ARHGEF28: variants seen among roughly 807,000 people sequenced by gnomAD.
ARHGEF28 encodes Rho guanine nucleotide exchange factor 28, also known as 190 kDa guanine nucleotide exchange factor.
ARHGEF28 carries 152 observed loss-of-function variants against 206.6 expected under a neutral mutation model. The ratio of observed to expected loss-of-function variants is 0.74; its 90% confidence interval spans 0.64 to 0.84. The LOEUF is 0.84. Among genes scored for constraint, ARHGEF28 ranks in the 40% least tolerant of loss-of-function variants. ARHGEF28 has a pLI of 0.00. For missense variants in ARHGEF28, 2,028 were observed against 2,073.2 expected (o/e 0.98, Z 0.42); for synonymous variants, 763 against 776.4 (o/e 0.98, Z 0.29).
chr5:73,840,393 T>C lies in ARHGEF28; in HGVS notation c.1147-87T>C, dbSNP rs1172984662. 3 of 1,429,946 alleles carry C rather than the reference T, an allele frequency of 2.1e-6. No homozygotes were observed. In the African/African-American group the frequency reaches 4.3e-5, roughly 20 times the overall value. The allele number at this position is 1,429,946 out of a possible 1,614,324, so 88.6% of individuals were successfully genotyped here. A position where few individuals can be genotyped will look rare whatever the true frequency, so the allele number is the denominator to read the frequency against. On this transcript the variant is annotated intron_variant, in intron 10 of 35. Coordinates refer to ENST00000513042, the MANE Select transcript of ARHGEF28 (RefSeq NM_001177693.2). Reference sequence around the variant, plus strand: ...GCCTCCTACCACGCCTGGCCAGAAGTTTTTAAATTGGGAAAATTTTATTAA... The same window carrying C: ...GCCTCCTACCACGCCTGGCCAGAAGCTTTTAAATTGGGAAAATTTTATTAA...
chr5:73,857,609 T>G (rs374435519), intron 14 of ARHGEF28, 47 bp from the exon 15 acceptor site: 184 of 1,541,298 alleles, frequency 1.2e-4, no homozygotes, highest in Non-Finnish European at 1.5e-4. Flanking sequence ...GTATATGCTA[T>G]TCTTCCTAAG....
chr5:73,888,125 C>T (rs998094158), intron 26 of ARHGEF28, among the ~76,000 whole-genome samples: 5 of 152,226 alleles, frequency 3.3e-5, no homozygotes, highest in Non-Finnish European at 7.3e-5. Context: ...CAGCACCTGG[C>T]TTTCTCCATG....
At chr5:73,919,466 C>G (rs1425783936) in intron 35 of ARHGEF28, among the ~76,000 whole-genome samples, 1 of 152,204 alleles carries the variant, frequency 6.6e-6, no homozygotes, top group Non-Finnish European at 1.5e-5. Context: ...CGTAAGTCAA[C>G]CACATTTTTA....
chr5:73,659,898 A>T lies in ARHGEF28; in HGVS notation c.-11-24943A>T, dbSNP rs182697049. 6.1e-3 allele frequency among the ~76,000 whole-genome samples: 905 copies of T among 149,032 alleles called. 10 individuals carry two copies. Among genetic ancestry groups the T allele is most frequent in the African/African-American group, 0.021 (847 of 40,772 alleles). ...GATCATCTGAGCCTTTAGTAAGTCA[A>T]TTTTTTTTTTTCTGGTAGAGAGTCT... On this transcript the variant is annotated intron_variant, in intron 1 of 35. Transcript: ENST00000513042.
Position 73,626,269 on chromosome 5 carries a change from G to A in ARHGEF28, c.-65G>A, listed in dbSNP as rs1045653077. 2 of 152,186 alleles carry A rather than the reference G, an allele frequency of 1.3e-5. No homozygotes were observed. The highest frequency in any genetic ancestry group is 2.9e-5 in the Non-Finnish European group (2 of 68,076). 9.4% of individuals were successfully genotyped at this position (152,186 alleles called of 1,614,324 possible). A position where few individuals can be genotyped will look rare whatever the true frequency, so the allele number is the denominator to read the frequency against. On this transcript the variant is annotated 5_prime_UTR_variant, in exon 1 of 36. Coordinates refer to ENST00000513042, the MANE Select transcript of ARHGEF28 (RefSeq NM_001177693.2). ...GCGTTCCGAGGCGCCCTCAGGCAGG[G>A]CGCGGGGGCAGAGCCTCGCCTGGGT...
At chr5:73,845,011 A>ATTTTTTTTTTT (rs70973277) in intron 11 of ARHGEF28, among the ~76,000 whole-genome samples, 20 of 99,362 alleles carry the variant, frequency 2.0e-4, no homozygotes, top group African/African-American at 7.6e-4. Context: ...CAAAGGAATC[A>ATTTTTTTTTTT]TTTTTTTTTT....
At chr5:73,870,970 A>G (rs140225818) in intron 21 of ARHGEF28, among the ~76,000 whole-genome samples, 112 of 152,326 alleles carry the variant, frequency 7.4e-4, no homozygotes, top group African/African-American at 2.6e-3. Flanking sequence ...ATACCTTGTC[A>G]TCTGCATCAG....
In ARHGEF28 at chr5:73,829,261, A is replaced by G. The variant is rs116468527; in HGVS notation, c.1025-3077A>G. 1.9e-3 allele frequency among the ~76,000 whole-genome samples: 294 copies of G among 152,386 alleles called. 4 individuals are homozygous for G. The highest frequency in any genetic ancestry group is 6.6e-3 in the African/African-American group (276 of 41,592). ...AATCATTCTGTTGATTGAAGGAGAA[A>G]GTCTCAGTGTGGTACCCTTGCATCT... On this transcript the variant is annotated intron_variant, in intron 9 of 35. Coordinates refer to ENST00000513042, the MANE Select transcript of ARHGEF28 (RefSeq NM_001177693.2).
At chr5:73,763,451 T>TGAAGGCAGACTTC (rs1399722849) in intron 4 of ARHGEF28, among the ~76,000 whole-genome samples, 1 of 152,200 alleles carries the variant, frequency 6.6e-6, no homozygotes. Context: ...TGGTTGTCTT[T>TGAAGGCAGACTTC]GAAGGCAGAC....
At position 73,868,193 on chromosome 5, in the gene ARHGEF28, C is replaced by T. The variant is rs1252781257; in HGVS notation, c.2391C>T (p.Gly797=). ...SHSDELLQSM[G]SSPSTESFIM... ...CTGATGAGCTGCTACAGTCCATGGGCTCTTCTCCCTCTACAGAGTCTTTCA... is the reference window on the plus strand; with the variant it reads ...CTGATGAGCTGCTACAGTCCATGGGTTCTTCTCCCTCTACAGAGTCTTTCA... The change falls in exon 20 of 36, where the codon GGC becomes GGT. Residue 797 remains glycine (G), a synonymous_variant. Transcript: ENST00000513042. 6.3e-7 allele frequency: 1 copy of T among 1,595,046 alleles called. No homozygotes were observed. Among genetic ancestry groups the T allele is most frequent in the East Asian group, 2.3e-5 (1 of 44,380 alleles).
chr5:73,816,326 T>A lies in ARHGEF28; in HGVS notation c.1025-16012T>A, dbSNP rs79259830. The stretch of plus-strand genomic sequence containing the variant: ...GTCTCTTGTCGCTTACAGGATATCA[T>A]AAGTATTTTTGTCAGTCTTTAAAAC... On this transcript the variant is annotated intron_variant, in intron 9 of 35. Transcript: ENST00000513042. Among the ~76,000 whole-genome samples, 573 of 152,314 alleles carry A rather than the reference T, an allele frequency of 3.8e-3. 7 individuals carry two copies. Among genetic ancestry groups the A allele is most frequent in the African/African-American group, 0.013 (553 of 41,566 alleles).
chr5:73,657,599 A>G (rs557859229), intron 1 of ARHGEF28, among the ~76,000 whole-genome samples: 9 of 152,302 alleles, frequency 5.9e-5, no homozygotes, highest in Admixed American at 1.3e-4. Flanking sequence ...CCTATGTCCA[A>G]TGAAACTTTA....
chr5:73,870,278 A>T, intron 21 of ARHGEF28, 69 bp downstream of exon 21: 1 of 1,520,986 alleles, frequency 6.6e-7, no homozygotes, highest in Non-Finnish European at 8.8e-7. Flanking sequence ...GGAATTTGCA[A>T]CTGTGCAGAG....
At chr5:73,781,758 T>C (rs533148776) in intron 7 of ARHGEF28, among the ~76,000 whole-genome samples, 1 of 152,326 alleles carries the variant, frequency 6.6e-6, no homozygotes, top group Non-Finnish European at 1.5e-5. Context: ...TATCTTCTTA[T>C]CAGTTACTCT....
intron 2 of ARHGEF28, among the ~76,000 whole-genome samples, chr5:73,715,932 C>T (rs897766664): frequency 1.3e-4 from 20 of 152,190 alleles, no homozygotes; most frequent in Non-Finnish European, 2.6e-4. Context: ...TCCATCTTCA[C>T]GCACTTACAC....
At chr5:73,756,027 T>C (rs967163729) in intron 4 of ARHGEF28, among the ~76,000 whole-genome samples, 2 of 152,230 alleles carry the variant, frequency 1.3e-5, no homozygotes, top group African/African-American at 4.8e-5. Flanking sequence ...GAATGTGTGC[T>C]GTGGAGGCAG....
intron 2 of ARHGEF28, among the ~76,000 whole-genome samples, chr5:73,697,027 G>GA (rs1368990827): frequency 7.9e-5 from 12 of 152,172 alleles, no homozygotes; most frequent in African/African-American, 2.4e-5. Context: ...GAGGTTTGGG[G>GA]AACATGTCTC....
At chr5:73,643,690 C>T (rs1744256914) in intron 1 of ARHGEF28, among the ~76,000 whole-genome samples, 1 of 151,872 alleles carries the variant, frequency 6.6e-6, no homozygotes, top group East Asian at 1.9e-4. Context: ...TGGTGTGCAC[C>T]TGTAGTCCCA....
intron 35 of ARHGEF28, among the ~76,000 whole-genome samples, chr5:73,928,692 G>T (rs1343950386): frequency 6.6e-6 from 1 of 152,160 alleles, no homozygotes; most frequent in African/African-American, 2.4e-5. Flanking sequence ...AGCTGGCAGA[G>T]AAATGAATTT....
Sources: gnomAD v4.1 joint callset for allele counts (sites outside exome capture counted in the v4.1 genomes callset) on GRCh38, gnomAD v4.1.1 for gene constraint, MANE v1.5 for transcripts, NCBI Gene and HGNC (gene_info 2026-07-23, HGNC 2026-07-21) for gene names.